The following ZNF33B variants were observed in gnomAD, a reference collection of about 807,000 sequenced individuals.
The protein encoded by ZNF33B is zinc finger protein 33B, also known as zinc finger protein 11b (KOX 2).
In ZNF33B, 29 loss-of-function variants were observed where a neutral mutation model predicts 45.8. The observed-to-expected ratio is 0.63, with a 90% CI of 0.47 to 0.86. The LOEUF (loss-of-function observed/expected upper bound fraction) is 0.86, where lower values mean the gene tolerates loss of function less well. Among genes scored for constraint, ZNF33B ranks in the 40% least tolerant of loss-of-function variants. The probability of loss-of-function intolerance (pLI) is 0.00; values close to 1 mark genes in which losing one functional copy is unlikely to be tolerated. For missense variants in ZNF33B, 831 were observed against 909.9 expected (o/e 0.91, Z 1.12); for synonymous variants, 305 against 307.8 (o/e 0.99, Z 0.10).
rs1839147249 is a variant in ZNF33B at position 42,633,522 on chromosome 10, T to C, written c.10-1083A>G. Among the ~76,000 whole-genome samples the C allele has an allele frequency of 2.0e-5, 3 of 152,196 alleles. No individual in the cohort carries two copies. In the South Asian group the frequency reaches 6.2e-4, roughly 32 times the overall value. The stretch of plus-strand genomic sequence containing the variant: ...AATAATAGGAGACAGAGCATCAAAA[T>C]GTGGTCACTAATTCATTAAGAAAAA... On this transcript the variant is annotated intron_variant, in intron 2 of 4. Transcript: ENST00000359467.
At chr10:42,579,632 A>AG (rs1350348208) in intron 1 of ZNF33B, 1 of 152,474 alleles carries the variant, frequency 6.6e-6, no homozygotes, top group Admixed American at 6.5e-5. Flanking sequence ...TATCAATAGA[A>AG]GGTCTGTATC....
At position 42,593,687 on chromosome 10, in the gene ZNF33B, A is replaced by G. The variant is rs143631363; in HGVS notation, c.1263T>C (p.Thr421=). The part of the protein sequence containing the change: ...KPYQCNACGK[T]FYQKSDLTKH... ...TAGTGAGGTCAGATTTCTGGTAAAA[A>G]GTTTTCCCACATGCATTACACTGAT... Residue 421 remains threonine, a synonymous_variant, in exon 5 of 5, where the codon ACT becomes ACC. Coordinates refer to ENST00000359467, the MANE Select transcript of ZNF33B (RefSeq NM_006955.3). 1.8e-5 allele frequency: 29 copies of G among 1,613,188 alleles called. No homozygotes were observed. The African/African-American group carries it at 3.7e-4, about 21-fold the overall frequency.
chr10:42,637,985 T>TG (rs1198660590), intron 1 of ZNF33B, among the ~76,000 whole-genome samples: 2 of 152,030 alleles, frequency 1.3e-5, no homozygotes, highest in African/African-American at 4.8e-5. Context: ...CCTTCCTGAG[T>TG]GCAAGATCAA....
intron 2 of ZNF33B, among the ~76,000 whole-genome samples, chr10:42,634,157 T>C (rs1407462306): frequency 2.6e-5 from 4 of 151,928 alleles, no homozygotes; most frequent in African/African-American, 9.7e-5. Context: ...GTAATCCTAG[T>C]ACTTTGGGAG....
In ZNF33B at chr10:42,638,507, A is replaced by G; in HGVS notation, c.-78T>C. 1 of 481,430 alleles carries G rather than the reference A, an allele frequency of 2.1e-6. No individual in the cohort carries two copies. Among genetic ancestry groups the G allele is most frequent in the Middle Eastern group, 3.3e-4 (1 of 3,064 alleles). The allele number at this position is 481,430 out of a possible 1,614,324, so 29.8% of individuals were successfully genotyped here. A position where few individuals can be genotyped will look rare whatever the true frequency, so the allele number is the denominator to read the frequency against. ...CTCTTCGGGTTGCATTCGCCATAAG[A>G]GAGCCGGTAGACCCCTGAAATCCCG... On this transcript the variant is annotated 5_prime_UTR_variant, in exon 1 of 5. Transcript: ENST00000359467.
In ZNF33B at chr10:42,592,416, T is replaced by TATC; in HGVS notation, c.*194_*196dup. 1.2e-6 allele frequency: 1 copy of TATC among 811,274 alleles called. No homozygotes were observed. The highest frequency in any genetic ancestry group is 1.9e-6 in the Non-Finnish European group (1 of 540,110). The allele number at this position is 811,274 out of a possible 1,614,324, so 50.3% of individuals were successfully genotyped here. A position where few individuals can be genotyped will look rare whatever the true frequency, so the allele number is the denominator to read the frequency against. ...ATTAACCATCTGATATTCAACAGAATATCACTTCCTAACAAAAGCCATCCT... is the reference window on the plus strand; with the variant it reads ...ATTAACCATCTGATATTCAACAGAATATCATCACTTCCTAACAAAAGCCATCCT... On this transcript the variant is annotated 3_prime_UTR_variant, in exon 5 of 5. Coordinates refer to ENST00000359467, the MANE Select transcript of ZNF33B (RefSeq NM_006955.3).
intron 4 of ZNF33B, among the ~76,000 whole-genome samples, chr10:42,595,899 A>G (rs1837380750): frequency 6.6e-6 from 1 of 152,212 alleles, no homozygotes; most frequent in Non-Finnish European, 1.5e-5. Flanking sequence ...ATTTTGTTAC[A>G]GCAGCCTGAG....
chr10:42,627,456 C>T (rs1352136777), intron 4 of ZNF33B, among the ~76,000 whole-genome samples: 2 of 152,018 alleles, frequency 1.3e-5, no homozygotes, highest in African/African-American at 4.8e-5. Context: ...AGATGTTTAC[C>T]AATTTTATTC....
intron 1 of ZNF33B, among the ~76,000 whole-genome samples, chr10:42,575,420 G>C (rs1339825784): frequency 4.6e-5 from 7 of 152,130 alleles, no homozygotes; most frequent in Non-Finnish European, 7.4e-5. Flanking sequence ...ACCTGGCCCT[G>C]CCTATGGATT....
intron 4 of ZNF33B, among the ~76,000 whole-genome samples, chr10:42,606,396 CAG>C (rs1203707484): frequency 2.0e-5 from 3 of 151,866 alleles, no homozygotes; most frequent in Admixed American, 6.6e-5. Flanking sequence ...ACCCAGGAGA[CAG>C]GGGTTACAGT....
chr10:42,596,800 A>C (rs1226002281), intron 4 of ZNF33B, among the ~76,000 whole-genome samples: 1 of 152,064 alleles, frequency 6.6e-6, no homozygotes, highest in African/African-American at 2.4e-5. Flanking sequence ...GCTACACTTA[A>C]TAATTCTAGT....
chr10:42,632,675 T>C (rs1839114350), intron 2 of ZNF33B, among the ~76,000 whole-genome samples: 1 of 152,172 alleles, frequency 6.6e-6, no homozygotes, highest in African/African-American at 2.4e-5. Context: ...ATAAAAATCT[T>C]CCTGTGTTCA....
intron 4 of ZNF33B, among the ~76,000 whole-genome samples, chr10:42,599,534 A>G (rs1038904110): frequency 1.3e-5 from 2 of 151,332 alleles, no homozygotes; most frequent in African/African-American, 4.9e-5. Context: ...AAATTTACAC[A>G]TTATATATTT....
rs542613795 is a variant in ZNF33B, at chr10:42,592,599, T to A, written c.*14A>T. On this transcript the variant is annotated 3_prime_UTR_variant, in exon 5 of 5. Coordinates refer to ENST00000359467, the MANE Select transcript of ZNF33B (RefSeq NM_006955.3). Reference sequence around the variant, plus strand: ...TGGAGGCTGACTTGTGGCTGGAAATTTCTAATATCCAATTCATTCATAAGG... The same window carrying A: ...TGGAGGCTGACTTGTGGCTGGAAATATCTAATATCCAATTCATTCATAAGG... The A allele has an allele frequency of 2.2e-5, 36 of 1,604,096 alleles. No individual in the cohort carries two copies. In the East Asian group the frequency reaches 7.1e-4, roughly 32 times the overall value.
At chr10:42,610,143 TAAAG>T (rs938858024) in intron 4 of ZNF33B, among the ~76,000 whole-genome samples, 11 of 152,326 alleles carry the variant, frequency 7.2e-5, no homozygotes, top group African/African-American at 2.6e-4. Flanking sequence ...TAGAGAATCT[TAAAG>T]AATCTACTAA....
At position 42,638,502 on chromosome 10, in the gene ZNF33B, A is replaced by G. The variant is rs910286716; in HGVS notation, c.-73T>C. 22 of 479,656 alleles carry G rather than the reference A, an allele frequency of 4.6e-5. No individual in the cohort carries two copies. The highest frequency in any genetic ancestry group is 9.8e-5 in the African/African-American group (5 of 50,802). The allele number at this position is 479,656 out of a possible 1,614,324, so 29.7% of individuals were successfully genotyped here. The stretch of plus-strand genomic sequence containing the variant: ...ACTCTCTCTTCGGGTTGCATTCGCC[A>G]TAAGAGAGCCGGTAGACCCCTGAAA... On this transcript the variant is annotated 5_prime_UTR_variant, in exon 1 of 5. An upstream start codon of the reference 5' UTR is lost. Coordinates refer to ENST00000359467, the MANE Select transcript of ZNF33B (RefSeq NM_006955.3).
chr10:42,602,825 A>T (rs1459592813), intron 4 of ZNF33B, among the ~76,000 whole-genome samples: 1 of 151,204 alleles, frequency 6.6e-6, no homozygotes, highest in African/African-American at 2.4e-5. Context: ...GATTCTTTTC[A>T]AAAGTTATTT....
intron 4 of ZNF33B, chr10:42,605,034 G>A (rs1455097440): frequency 6.6e-6 from 1 of 151,356 alleles, no homozygotes; most frequent in Non-Finnish European, 1.5e-5. Context: ...ATAAGAGTGA[G>A]GAAAAATGAA....
downstream of ZNF33B, among the ~76,000 whole-genome samples, chr10:42,587,594 G>C (rs552239022): frequency 6.6e-6 from 1 of 152,156 alleles, no homozygotes; most frequent in Non-Finnish European, 1.5e-5. Flanking sequence ...AAAGCACAGT[G>C]GATGTCACAG....
Sources: allele counts gnomAD v4.1 joint callset (sites outside exome capture counted in the v4.1 genomes callset), GRCh38; gene constraint gnomAD v4.1.1; transcripts MANE v1.5; gene names NCBI Gene and HGNC (gene_info 2026-07-23, HGNC 2026-07-21).